The following STK31 variants were observed in gnomAD, a reference collection of about 807,000 sequenced individuals.
The protein encoded by STK31 is serine/threonine-protein kinase 31.
STK31 carries 89 observed loss-of-function variants against 129.7 expected under a neutral mutation model. The observed-to-expected ratio is 0.69, with a 90% CI of 0.58 to 0.82. The LOEUF is 0.82. Among genes scored for constraint, STK31 ranks in the 40% least tolerant of loss-of-function variants. The pLI is 0.00. For synonymous variants in STK31, 448 were observed against 395.3 expected (o/e 1.13, Z -1.58); for missense variants, 1,187 against 1,176.4 (o/e 1.01, Z -0.13).
At chr7:23,830,592 TTGTGTG>T (rs3034048) in intron 23 of STK31, among the ~76,000 whole-genome samples, 2,306 of 142,234 alleles carry the variant, frequency 0.016, 72 homozygotes, top group African/African-American at 0.057. Context: ...AATTTCCATG[TTGTGTG>T]TGTGTGTGTG....
At chr7:23,786,147 T>C (rs992763462) in intron 18 of STK31, among the ~76,000 whole-genome samples, 3 of 152,136 alleles carry the variant, frequency 2.0e-5, no homozygotes, top group Non-Finnish European at 1.5e-5. Flanking sequence ...CCAATATCTT[T>C]TTAAAATTCT....
intron 10 of STK31, among the ~76,000 whole-genome samples, chr7:23,758,372 C>G (rs1013565240): frequency 6.6e-6 from 1 of 152,118 alleles, no homozygotes; most frequent in Admixed American, 6.5e-5. Flanking sequence ...TCTTCTTAGT[C>G]TAGCTAGTGG....
chr7:23,785,745 T>A, intron 18 of STK31, 142 bp downstream of exon 18: 1 of 1,146,472 alleles, frequency 8.7e-7, no homozygotes, highest in Middle Eastern at 2.5e-4. Flanking sequence ...GCTTGTAGTT[T>A]GGTTGCCAGA....
intron 22 of STK31, among the ~76,000 whole-genome samples, chr7:23,797,756 A>G (rs1333354756): frequency 6.6e-6 from 1 of 151,938 alleles, no homozygotes; most frequent in African/African-American, 2.4e-5. Context: ...AGAAATAATT[A>G]AGATCAGGGC....
chr7:23,771,152 T>A (rs751366053), intron 14 of STK31, 28 bp downstream of exon 14: 3 of 1,508,766 alleles, frequency 2.0e-6, no homozygotes, highest in Non-Finnish European at 2.6e-6. Flanking sequence ...CTTATTGATC[T>A]TATAAATTGA....
intron 19 of STK31, 79 bp downstream of exon 19, chr7:23,786,712 C>T (rs1256997467): frequency 6.4e-7 from 1 of 1,557,892 alleles, no homozygotes; most frequent in Non-Finnish European, 8.7e-7. Context: ...ATTTTAGCTC[C>T]AGGTTTTAGA....
intron 21 of STK31, among the ~76,000 whole-genome samples, chr7:23,789,271 A>G (rs1233904317): frequency 6.6e-6 from 1 of 152,086 alleles, no homozygotes; most frequent in African/African-American, 2.4e-5. Flanking sequence ...TTAGCATACA[A>G]TATTTTTTGT....
intron 10 of STK31, among the ~76,000 whole-genome samples, chr7:23,756,244 T>C (rs964476208): frequency 2.0e-5 from 3 of 152,214 alleles, no homozygotes; most frequent in African/African-American, 7.2e-5. Flanking sequence ...AGGTATTTTA[T>C]TCTGTTTGTA....
Position 23,736,977 on chromosome 7 carries a change from C to T in STK31, c.916C>T (p.Leu306=). The T allele has an allele frequency of 6.2e-7, 1 of 1,613,682 alleles. No individual in the cohort carries two copies. The highest frequency in any genetic ancestry group is 2.2e-5 in the East Asian group (1 of 44,850). The change falls in exon 8 of 24, where the codon CTG becomes TTG. Residue 306 remains leucine (L), a synonymous_variant. Coordinates refer to ENST00000355870, the MANE Select transcript of STK31 (RefSeq NM_031414.5). ...SLEKIKQDQK[L]IEENEKLKTE... ...GGAAAAAATTAAGCAGGACCAGAAACTGATTGAAGAAAATGAAAAACTTAA... is the reference window on the plus strand; with the variant it reads ...GGAAAAAATTAAGCAGGACCAGAAATTGATTGAAGAAAATGAAAAACTTAA...
At chr7:23,781,095 A>G (rs941954283) in intron 15 of STK31, among the ~76,000 whole-genome samples, 4 of 152,190 alleles carry the variant, frequency 2.6e-5, no homozygotes, top group Non-Finnish European at 5.9e-5. Context: ...TCTGGTTGCT[A>G]TTATTAACAT....
At chr7:23,824,210 T>C (rs961671676) in intron 23 of STK31, among the ~76,000 whole-genome samples, 2 of 152,228 alleles carry the variant, frequency 1.3e-5, no homozygotes, top group African/African-American at 2.4e-5. Flanking sequence ...TTTCTCGATA[T>C]TGATTCTTCC....
intron 23 of STK31, among the ~76,000 whole-genome samples, chr7:23,826,553 G>A (rs201943426): frequency 0.026 from 3,988 of 152,172 alleles, 61 homozygotes; most frequent in Non-Finnish European, 0.037. Context: ...TCTTTATCCA[G>A]TTTGCCAGTC....
intron 3 of STK31, among the ~76,000 whole-genome samples, chr7:23,712,669 C>T (rs1292355822): frequency 6.6e-6 from 1 of 151,998 alleles, no homozygotes; most frequent in East Asian, 1.9e-4. Context: ...AAATCTCGGT[C>T]GTTTTTTCTA....
intron 23 of STK31, among the ~76,000 whole-genome samples, chr7:23,815,988 A>G (rs1442660358): frequency 3.9e-5 from 6 of 152,148 alleles, no homozygotes; most frequent in Non-Finnish European, 7.4e-5. Flanking sequence ...ACAATGAAAG[A>G]GTACATATAA....
chr7:23,791,026 TTAAAAA>T, intron 22 of STK31, 80 bp downstream of exon 22: 1 of 1,195,066 alleles, frequency 8.4e-7, no homozygotes, highest in Non-Finnish European at 1.1e-6. Flanking sequence ...GTGATTCTCC[TTAAAAA>T]TAAAAAGCAG....
intron 4 of STK31, chr7:23,721,811 C>T (rs530996184): frequency 1.7e-6 from 1 of 576,378 alleles, no homozygotes; most frequent in Non-Finnish European, 3.2e-6. Flanking sequence ...CAGGCATGAT[C>T]CTCTACATTC....
chr7:23,797,033 GA>G (rs1437340623), intron 22 of STK31, among the ~76,000 whole-genome samples: 1 of 152,084 alleles, frequency 6.6e-6, no homozygotes, highest in Non-Finnish European at 1.5e-5. Flanking sequence ...TTACATAATG[GA>G]AAAGGGATCA....
intron 5 of STK31, chr7:23,727,721 C>T (rs1474964612): frequency 1.2e-5 from 2 of 173,198 alleles, no homozygotes; most frequent in Non-Finnish European, 2.4e-5. Context: ...CACCAACACA[C>T]TGGCTAATTT....
Position 23,776,704 on chromosome 7 carries a change from A to G in STK31, c.1965+4426A>G, listed in dbSNP as rs140059656. 3.7e-3 allele frequency among the ~76,000 whole-genome samples: 559 copies of G among 151,422 alleles called. 4 individuals are homozygous for G. Among genetic ancestry groups the G allele is most frequent in the African/African-American group, 0.013 (540 of 41,298 alleles). On this transcript the variant is annotated intron_variant, in intron 15 of 23. Coordinates refer to ENST00000355870, the MANE Select transcript of STK31 (RefSeq NM_031414.5). ...CCCTTTATCATTTTTTATTGTGTCT[A>G]TTTGATTCTTCTTTATTAGTCTGGC...
Sources: gnomAD v4.1 joint callset for allele counts (sites outside exome capture counted in the v4.1 genomes callset) on GRCh38, gnomAD v4.1.1 for gene constraint, MANE v1.5 for transcripts, NCBI Gene and HGNC (gene_info 2026-07-23, HGNC 2026-07-21) for gene names.